EPB41L3: variants seen among roughly 807,000 people sequenced by gnomAD.
The protein encoded by EPB41L3 is erythrocyte membrane protein band 4.1 like 3.
Under a neutral mutation model 127.1 loss-of-function variants are expected in EPB41L3, and 57 were observed. That is an observed-to-expected ratio of 0.45 (90% CI 0.36 to 0.56). The LOEUF (loss-of-function observed/expected upper bound fraction) is 0.56, where lower values mean the gene tolerates loss of function less well. EPB41L3 is among the 20% of genes least tolerant of loss of function. The pLI, the probability that EPB41L3 is intolerant of heterozygous loss-of-function variation, is 0.00. For missense variants in EPB41L3, 1,273 were observed against 1,372.2 expected, an observed-to-expected ratio of 0.93 and a Z score of 1.14; for synonymous variants, 572 against 549.5, an observed-to-expected ratio of 1.04 and a Z score of -0.57.
chr18:5,467,994 C>T (rs11662027), intron 3 of EPB41L3, among the ~76,000 whole-genome samples: 45,997 of 152,076 alleles, frequency 0.3, 7,603 homozygotes, highest in East Asian at 0.47. Flanking sequence ...TAAGTGCCTG[C>T]TCCCACTGCC....
At chr18:5,470,104 G>A (rs2085840627) in intron 3 of EPB41L3, among the ~76,000 whole-genome samples, 2 of 152,150 alleles carry the variant, frequency 1.3e-5, no homozygotes, top group South Asian at 2.1e-4. Flanking sequence ...ATTCTGTAGT[G>A]CAGAGACCTC....
intron 3 of EPB41L3, among the ~76,000 whole-genome samples, chr18:5,446,617 G>C (rs16948220): frequency 6.6e-6 from 1 of 152,190 alleles, no homozygotes; most frequent in East Asian, 1.9e-4. Context: ...CCTGTGAGTC[G>C]TGTGTTGTGT....
chr18:5,559,496 G>A (rs2094091952), intron 3 of EPB41L3, among the ~76,000 whole-genome samples: 1 of 152,136 alleles, frequency 6.6e-6, no homozygotes, highest in South Asian at 2.1e-4. Context: ...GCAATTTTTT[G>A]TAATGGAAAC....
chr18:5,443,619 G>A (rs1354371970), intron 5 of EPB41L3, among the ~76,000 whole-genome samples: 1 of 152,168 alleles, frequency 6.6e-6, no homozygotes, highest in Non-Finnish European at 1.5e-5. Flanking sequence ...TCATATACTT[G>A]ACATCCATTC....
rs117600406 is a variant in EPB41L3, at chr18:5,470,997, G to T, written c.381+7244C>A. Among the ~76,000 whole-genome samples, 614 of 152,276 alleles carry T rather than the reference G, an allele frequency of 4.0e-3. 4 individuals are homozygous for T. Among genetic ancestry groups the T allele is most frequent in the Non-Finnish European group, 6.5e-3 (443 of 68,018 alleles). ...AAGCTTCCTTTTCTCCCTGAGGTTA[G>T]AGCTGACTGGGGGCCTGGACTCTGA... is the stretch of plus-strand genomic sequence containing the variant. On this transcript the variant is annotated intron_variant, in intron 3 of 22. Coordinates refer to ENST00000341928, the MANE Select transcript of EPB41L3 (RefSeq NM_012307.5).
chr18:5,419,597 T>C, intron 12 of EPB41L3, 114 bp downstream of exon 12: 1 of 1,404,862 alleles, frequency 7.1e-7, no homozygotes, highest in Non-Finnish European at 9.8e-7. Flanking sequence ...ATGTGACCAG[T>C]GCTGACATAT....
chr18:5,450,067 G>C (rs970545953), intron 3 of EPB41L3, among the ~76,000 whole-genome samples: 1 of 152,140 alleles, frequency 6.6e-6, no homozygotes, highest in Non-Finnish European at 1.5e-5. Flanking sequence ...GAATGGGGAA[G>C]TGAGACTGCA....
rs116107760 is a variant in EPB41L3 at position 5,581,775 on chromosome 18, T to C, written c.-306+30565A>G. Among the ~76,000 whole-genome samples, 357 of 152,288 alleles carry C rather than the reference T, an allele frequency of 2.3e-3. 2 individuals carry two copies. The highest frequency in any genetic ancestry group is 8.0e-3 in the African/African-American group (332 of 41,566). The stretch of plus-strand genomic sequence containing the variant: ...ACTTTAGGAGGCCGAGATGGGTGGA[T>C]TGCTTGAGCCCAGGAGTTCAAGGCC... On this transcript the variant is annotated intron_variant, in intron 3 of 21. Coordinates refer to the EPB41L3 transcript ENST00000545076.
rs149603642 is a variant in EPB41L3, at chr18:5,474,612, AT to A, written c.381+3628del. On this transcript the variant is annotated intron_variant, in intron 3 of 22. Coordinates refer to ENST00000341928, the MANE Select transcript of EPB41L3 (RefSeq NM_012307.5). ...ATATGCCATGGAGAAAAACATCACA[AT>A]TTTATGAAAATAAAATGCTCTTTTT... Among the ~76,000 whole-genome samples, 1,510 of 152,312 alleles carry A rather than the reference AT, an allele frequency of 9.9e-3. 26 individuals are homozygous for A. Among genetic ancestry groups the A allele is most frequent in the African/African-American group, 0.035 (1,445 of 41,564 alleles).
chr18:5,620,625 A>G (rs984126844), intron 1 of EPB41L3, among the ~76,000 whole-genome samples: 1 of 152,218 alleles, frequency 6.6e-6, no homozygotes, highest in East Asian at 1.9e-4. Flanking sequence ...AATATTCCCC[A>G]GGACTCATAC....
At chr18:5,520,543 C>T (rs1353576200) in intron 1 of EPB41L3, among the ~76,000 whole-genome samples, 1 of 146,174 alleles carries the variant, frequency 6.8e-6, no homozygotes, top group African/African-American at 2.6e-5. Flanking sequence ...CTCGCCTCCC[C>T]TACTTTCCCA....
chr18:5,433,803 G>T lies in EPB41L3; in HGVS notation c.824+100C>A, dbSNP rs145368874. ...TGGACCCACACTATGCTCACGTCTCGCCGTTAATGGACTGAAATCAGTACT... is the reference window on the plus strand; with the variant it reads ...TGGACCCACACTATGCTCACGTCTCTCCGTTAATGGACTGAAATCAGTACT... On this transcript the variant is annotated intron_variant, in intron 7 of 22. Coordinates refer to ENST00000341928, the MANE Select transcript of EPB41L3 (RefSeq NM_012307.5). 7.3e-4 allele frequency: 964 copies of T among 1,315,652 alleles called. 3 individuals are homozygous for T. In the African/African-American group the frequency reaches 0.011, roughly 15 times the overall value. The allele number at this position is 1,315,652 out of a possible 1,614,324, so 81.5% of individuals were successfully genotyped here. A position where few individuals can be genotyped will look rare whatever the true frequency, so the allele number is the denominator to read the frequency against.
intron 1 of EPB41L3, among the ~76,000 whole-genome samples, chr18:5,512,608 C>A (rs887897643): frequency 6.6e-6 from 1 of 152,072 alleles, no homozygotes; most frequent in Non-Finnish European, 1.5e-5. Context: ...AGGGAACAGA[C>A]CTGAGGTCAA....
chr18:5,520,958 G>A (rs1273001188), intron 1 of EPB41L3, among the ~76,000 whole-genome samples: 1 of 152,194 alleles, frequency 6.6e-6, no homozygotes, highest in African/African-American at 2.4e-5. Context: ...AACGCAGAAA[G>A]AGATGTGCTC....
At chr18:5,494,246 AG>A (rs2090922097) in intron 1 of EPB41L3, among the ~76,000 whole-genome samples, 1 of 152,134 alleles carries the variant, frequency 6.6e-6, no homozygotes, top group Admixed American at 6.5e-5. Context: ...CCATTGCAGC[AG>A]GTGGCCTCCA....
intron 3 of EPB41L3, among the ~76,000 whole-genome samples, chr18:5,468,919 A>T (rs1323083397): frequency 6.7e-6 from 1 of 150,348 alleles, no homozygotes; most frequent in East Asian, 2.0e-4. Flanking sequence ...ATCTCAAAAA[A>T]CAAAAAACAA....
intron 2 of EPB41L3, among the ~76,000 whole-genome samples, chr18:5,480,609 T>A (rs1317895932): frequency 6.6e-6 from 1 of 152,196 alleles, no homozygotes; most frequent in Non-Finnish European, 1.5e-5. Flanking sequence ...AATCAAAGAA[T>A]TTTGTGGAAG....
intron 3 of EPB41L3, among the ~76,000 whole-genome samples, chr18:5,604,314 G>A (rs1243137236): frequency 6.6e-6 from 1 of 151,806 alleles, no homozygotes; most frequent in Non-Finnish European, 1.5e-5. Context: ...TGGGCACTCA[G>A]TAAATGTTTA....
chr18:5,473,021 A>C (rs143825845), intron 3 of EPB41L3, among the ~76,000 whole-genome samples: 1 of 152,160 alleles, frequency 6.6e-6, no homozygotes, highest in South Asian at 2.1e-4. Flanking sequence ...GAGGGATCTA[A>C]ATTGTCCTCA....
Sources: allele counts gnomAD v4.1 joint callset (sites outside exome capture counted in the v4.1 genomes callset), GRCh38; gene constraint gnomAD v4.1.1; transcripts MANE v1.5; gene names NCBI Gene and HGNC (gene_info 2026-07-23, HGNC 2026-07-21).